Variants in PIWIL4 observed in about 807,000 individuals in gnomAD.
PIWIL4 encodes piwi-like protein 4.
A neutral mutation model predicts 100.9 loss-of-function variants in PIWIL4; 50 were observed. That is an observed-to-expected ratio of 0.50 (90% confidence interval 0.39 to 0.63). The LOEUF is 0.63. Ranked by LOEUF, PIWIL4 falls within the 20% of genes least tolerant of loss-of-function variation. PIWIL4 has a pLI of 0.00. For synonymous variants in PIWIL4, 342 were observed against 367.5 expected, an observed-to-expected ratio of 0.93 and a Z score of 0.79; for missense variants, 887 against 1,043.3, an observed-to-expected ratio of 0.85 and a Z score of 2.06.
intron 7 of PIWIL4, among the ~76,000 whole-genome samples, chr11:94,588,316 T>C (rs1270884016): frequency 1.3e-5 from 2 of 152,162 alleles, no homozygotes; most frequent in Admixed American, 6.5e-5. Context: ...GCTGCAAAAA[T>C]ACTTCTTTTA....
Position 94,593,480 on chromosome 11 carries a change from C to T in PIWIL4, c.1027-38C>T, listed in dbSNP as rs368277804. On this transcript the variant is annotated intron_variant, in intron 8 of 19. Coordinates refer to ENST00000299001, the MANE Select transcript of PIWIL4 (RefSeq NM_152431.3). ...AAGGATGCTCACCTGGCGGTGCTTC[C>T]ATGTTAACTTTTTACTTATTAATCT... The T allele has an allele frequency of 1.4e-5, 22 of 1,596,694 alleles. No individual in the cohort carries two copies. In the African/African-American group the frequency reaches 2.8e-4, roughly 20 times the overall value.
rs1002641236 is a variant in PIWIL4 at position 94,575,248 on chromosome 11, G to A, written c.298+118G>A. 9.3e-6 allele frequency: 10 copies of A among 1,072,272 alleles called. No homozygotes were observed. The African/African-American group carries it at 1.3e-4, about 14-fold the overall frequency. The allele number at this position is 1,072,272 out of a possible 1,614,324, so 66.4% of individuals were successfully genotyped here. On this transcript the variant is annotated intron_variant, in intron 3 of 19. Transcript: ENST00000299001. Reference sequence around the variant, plus strand: ...TTTGCTTAACAGATATTTACTGATTGTCTTCTATGTTCAAGGCACTGTTAG... The same window carrying A: ...TTTGCTTAACAGATATTTACTGATTATCTTCTATGTTCAAGGCACTGTTAG...
In PIWIL4 at chr11:94,619,818, A is replaced by G; in HGVS notation, c.2227A>G (p.Met743Val). 2 of 1,614,222 alleles carry G rather than the reference A, an allele frequency of 1.2e-6. No individual in the cohort carries two copies. Among genetic ancestry groups the G allele is most frequent in the Non-Finnish European group, 8.5e-7 (1 of 1,180,034 alleles). The stretch of plus-strand genomic sequence containing the variant: ...GTGCATGCCACGATTCTTTACCGAA[A>G]TGAACCGCACTGTACAGAACCCCCC... ...KKCMPRFFTEMNRTVQNPPLG... is the reference protein window; with the variant it reads ...KKCMPRFFTEVNRTVQNPPLG... Residue 743 changes from methionine (M) to valine (V), a missense_variant, in exon 18 of 20, where the codon ATG becomes GTG. By Grantham distance (21) the Met-to-Val change is conservative. Transcript: ENST00000299001.
intron 15 of PIWIL4, among the ~76,000 whole-genome samples, chr11:94,614,696 A>G (rs560201113): frequency 3.3e-5 from 5 of 152,288 alleles, no homozygotes; most frequent in Non-Finnish European, 4.4e-5. Context: ...TTTATTGGCT[A>G]TCTTTGGGAG....
chr11:94,603,881 A>G (rs564606206), intron 12 of PIWIL4, 103 bp from the exon 13 acceptor site: 1 of 674,594 alleles, frequency 1.5e-6, no homozygotes, highest in East Asian at 3.2e-5. Context: ...TCCTAAAACT[A>G]CTAGTTTGTT....
Position 94,607,421 on chromosome 11 carries a change from T to A in PIWIL4, c.1639-18T>A. On this transcript the variant is annotated intron_variant, in intron 13 of 19. Transcript: ENST00000299001. ...AAGTAAATTAACTTCCAAAATCTTT[T>A]GCTGTTTTTGCTTTTAGGTAATGTG... The A allele has an allele frequency of 1.2e-6, 2 of 1,601,412 alleles. No homozygotes were observed. The highest frequency in any genetic ancestry group is 8.5e-7 in the Non-Finnish European group (1 of 1,170,100).
intron 4 of PIWIL4, among the ~76,000 whole-genome samples, chr11:94,583,044 ATGTGTGTGTGTGTG>A (rs58072951): frequency 7.5e-6 from 1 of 133,796 alleles, no homozygotes; most frequent in Non-Finnish European, 1.7e-5. Flanking sequence ...ATATATATAT[ATGTGTGTGTGTGTG>A]TGTGTGTGTG....
intron 1 of PIWIL4, 172 bp downstream of exon 1, chr11:94,567,777 G>A: frequency 8.0e-7 from 1 of 1,245,414 alleles, no homozygotes; most frequent in Non-Finnish European, 1.0e-6. Context: ...CTCCTTCTAG[G>A]GATCTTGTCT....
At position 94,568,813 on chromosome 11, in the gene PIWIL4, G is replaced by A. The variant is rs1948110259; in HGVS notation, c.166+5G>A. The A allele has an allele frequency of 6.3e-7, 1 of 1,589,386 alleles. No homozygotes were observed. On this transcript the variant is annotated splice_donor_5th_base_variant and intron_variant, in intron 2 of 19. Coordinates refer to ENST00000299001, the MANE Select transcript of PIWIL4 (RefSeq NM_152431.3). ...CAAGCAGGATCTCAACCAACGGTAA[G>A]TGCAGCTCAGCCTGTTCATTTAGTA...
At position 94,621,050 on chromosome 11, in the gene PIWIL4, G is replaced by T; in HGVS notation, c.*58G>T. ...ATCCAAGAAGAAATTGGTATACTTT[G>T]TGCAAATCTGCCATAAGCTCAAGGC... On this transcript the variant is annotated 3_prime_UTR_variant, in exon 20 of 20. Transcript: ENST00000299001. 7.9e-7 allele frequency: 1 copy of T among 1,261,238 alleles called. No homozygotes were observed. The highest frequency in any genetic ancestry group is 1.2e-6 in the Non-Finnish European group (1 of 866,050). 78.1% of individuals were successfully genotyped at this position (1,261,238 alleles called of 1,614,324 possible). A position where few individuals can be genotyped will look rare whatever the true frequency, so the allele number is the denominator to read the frequency against.
chr11:94,606,917 T>A (rs962123781), intron 13 of PIWIL4, among the ~76,000 whole-genome samples: 9 of 152,036 alleles, frequency 5.9e-5, no homozygotes, highest in African/African-American at 1.4e-4. Flanking sequence ...AGCTTTTTTT[T>A]AAAAAAGTGT....
intron 3 of PIWIL4, among the ~76,000 whole-genome samples, chr11:94,575,715 T>C (rs188406466): frequency 6.6e-6 from 1 of 152,340 alleles, no homozygotes; most frequent in East Asian, 1.9e-4. Context: ...AAAAGTTTCA[T>C]GAAACAATGC....
chr11:94,572,008 T>C (rs889055438), intron 2 of PIWIL4, among the ~76,000 whole-genome samples: 5 of 152,228 alleles, frequency 3.3e-5, no homozygotes, highest in African/African-American at 1.2e-4. Context: ...CATCTCATTG[T>C]GGTTTTGATT....
chr11:94,603,292 C>T (rs1459272375), intron 12 of PIWIL4, among the ~76,000 whole-genome samples: 2 of 152,030 alleles, frequency 1.3e-5, no homozygotes, highest in Admixed American at 6.6e-5. Flanking sequence ...TTTAAAAAGC[C>T]GCTGGGCATT....
chr11:94,613,027 A>G (rs1037248036), intron 15 of PIWIL4, among the ~76,000 whole-genome samples: 8 of 152,204 alleles, frequency 5.3e-5, no homozygotes, highest in African/African-American at 1.9e-4. Flanking sequence ...GAGTATTTTG[A>G]ATTTGATGAT....
At chr11:94,590,525 T>A (rs892470476) in intron 8 of PIWIL4, among the ~76,000 whole-genome samples, 3 of 152,196 alleles carry the variant, frequency 2.0e-5, no homozygotes, top group African/African-American at 7.2e-5. Context: ...CTAGCCCTCA[T>A]TCCCAAATTA....
At chr11:94,589,281 G>T (rs1195609890) in intron 8 of PIWIL4, 49 bp downstream of exon 8, 10 of 1,471,718 alleles carry the variant, frequency 6.8e-6, no homozygotes, top group Middle Eastern at 1.7e-4. Flanking sequence ...TTACCTCAGA[G>T]AAGTCTCCTT....
At chr11:94,571,241 A>AT (rs962243955) in intron 2 of PIWIL4, among the ~76,000 whole-genome samples, 18 of 150,306 alleles carry the variant, frequency 1.2e-4, no homozygotes, top group Non-Finnish European at 1.5e-4. Flanking sequence ...TCTGCCACAC[A>AT]TTTTTTTTTG....
chr11:94,600,399 G>A (rs1948618481), intron 11 of PIWIL4, among the ~76,000 whole-genome samples: 1 of 152,096 alleles, frequency 6.6e-6, no homozygotes, highest in African/African-American at 2.4e-5. Context: ...GACATCACAT[G>A]TCGGTAGGTT....
Sources: allele counts gnomAD v4.1 joint callset (sites outside exome capture counted in the v4.1 genomes callset), GRCh38; gene constraint gnomAD v4.1.1; transcripts MANE v1.5; gene names NCBI Gene and HGNC (gene_info 2026-07-23, HGNC 2026-07-21).